Variants in LMCD1 observed in about 807,000 individuals in gnomAD.
LMCD1 encodes the protein LIM and cysteine rich domains 1.
LMCD1 carries 32 observed loss-of-function variants against 42.7 expected under a neutral mutation model. That is an observed-to-expected ratio of 0.75 (90% CI 0.57 to 1.01). The LOEUF is 1.01. Ranked by LOEUF, LMCD1 falls within the 50% of genes least tolerant of loss-of-function variation. The pLI is 0.00. For synonymous variants in LMCD1, 178 were observed against 184.9 expected (o/e 0.96, Z 0.30); for missense variants, 458 against 483.1 (o/e 0.95, Z 0.49).
intron 4 of LMCD1, among the ~76,000 whole-genome samples, chr3:8,562,224 T>C (rs1399386060): frequency 6.6e-6 from 1 of 152,142 alleles, no homozygotes; most frequent in East Asian, 1.9e-4. Flanking sequence ...AAAAGACAGA[T>C]AAAGGAGCCC....
At chr3:8,550,079 T>G (rs1453171690) in intron 4 of LMCD1, 1 of 1,450,438 alleles carries the variant, frequency 6.9e-7, no homozygotes. Context: ...GAAGTGCTGC[T>G]GAGGAGTGAG....
chr3:8,548,667 A>G lies in LMCD1; in HGVS notation c.487A>G (p.Ile163Val). ...CCGCCAGCTCATGCACCAGCTCCCCATCTATGACCAGGATCCCTCGCGCTG... is the reference window on the plus strand; with the variant it reads ...CCGCCAGCTCATGCACCAGCTCCCCGTCTATGACCAGGATCCCTCGCGCTG... ...RRRQLMHQLP[I>V]YDQDPSRCRG... Residue 163 changes from isoleucine (I) to valine (V), a missense_variant, in exon 4 of 6, where the codon ATC becomes GTC. Coordinates refer to ENST00000157600, the MANE Select transcript of LMCD1 (RefSeq NM_014583.4). The G allele has an allele frequency of 6.2e-7, 1 of 1,614,192 alleles. No homozygotes were observed. The highest frequency in any genetic ancestry group is 8.5e-7 in the Non-Finnish European group (1 of 1,180,036).
At chr3:8,559,563 C>T (rs1245008425) in intron 4 of LMCD1, among the ~76,000 whole-genome samples, 1 of 152,180 alleles carries the variant, frequency 6.6e-6, no homozygotes, top group African/African-American at 2.4e-5. Flanking sequence ...CTCTCAGCCA[C>T]CTGTTGCAAT....
intron 1 of LMCD1, among the ~76,000 whole-genome samples, chr3:8,516,342 A>G (rs1216000884): frequency 2.6e-5 from 4 of 152,128 alleles, no homozygotes; most frequent in Non-Finnish European, 5.9e-5. Context: ...CAAACCTCTC[A>G]TAGCTCAGAC....
At chr3:8,523,228 GAA>G (rs1694238047) in intron 1 of LMCD1, among the ~76,000 whole-genome samples, 1 of 152,122 alleles carries the variant, frequency 6.6e-6, no homozygotes, top group Non-Finnish European at 1.5e-5. Context: ...CACAATTCAG[GAA>G]AAGAGTCTCT....
In LMCD1 at chr3:8,569,873, G is replaced by C. The variant is rs1335987136; in HGVS notation, c.*2275G>C. Reference sequence around the variant, plus strand: ...TATCTGGCATGGTGGCACACCTGTAGTATCAGTTACTCTAGAGGATAACCT... The same window carrying C: ...TATCTGGCATGGTGGCACACCTGTACTATCAGTTACTCTAGAGGATAACCT... On this transcript the variant is annotated 3_prime_UTR_variant, in exon 6 of 6. Coordinates refer to ENST00000157600, the MANE Select transcript of LMCD1 (RefSeq NM_014583.4). 6.6e-6 allele frequency: 1 copy of C among 151,898 alleles called. No homozygotes were observed. Among genetic ancestry groups the C allele is most frequent in the Admixed American group, 6.6e-5 (1 of 15,184 alleles). The allele number at this position is 151,898 out of a possible 1,614,324, so 9.4% of individuals were successfully genotyped here. A position where few individuals can be genotyped will look rare whatever the true frequency, so the allele number is the denominator to read the frequency against.
chr3:8,542,860 G>C (rs540159556), intron 3 of LMCD1, among the ~76,000 whole-genome samples: 1 of 152,308 alleles, frequency 6.6e-6, no homozygotes, highest in South Asian at 2.1e-4. Flanking sequence ...AGAATTAAAT[G>C]GGTTAACGTG....
chr3:8,511,807 C>T (rs1039447032), intron 1 of LMCD1, among the ~76,000 whole-genome samples: 2 of 152,150 alleles, frequency 1.3e-5, no homozygotes, highest in African/African-American at 4.8e-5. Flanking sequence ...GCAAAACCCA[C>T]TGGGGTGGCA....
intron 1 of LMCD1, among the ~76,000 whole-genome samples, chr3:8,518,558 G>T (rs1434197006): frequency 6.6e-6 from 1 of 152,194 alleles, no homozygotes; most frequent in Non-Finnish European, 1.5e-5. Flanking sequence ...GCCTTGAGCA[G>T]TTGACTGGGA....
At chr3:8,545,837 G>T (rs141514561) in intron 3 of LMCD1, among the ~76,000 whole-genome samples, 1 of 152,174 alleles carries the variant, frequency 6.6e-6, no homozygotes, top group African/African-American at 2.4e-5. Flanking sequence ...AAAAGCCACA[G>T]ATAGAAAAGC....
In LMCD1 at chr3:8,568,952, A is replaced by G. The variant is rs763361332; in HGVS notation, c.*1354A>G. The G allele has an allele frequency of 6.6e-6, 1 of 152,154 alleles. No individual in the cohort carries two copies. The highest frequency in any genetic ancestry group is 2.4e-5 in the African/African-American group (1 of 41,430). 9.4% of individuals were successfully genotyped at this position (152,154 alleles called of 1,614,324 possible). The stretch of plus-strand genomic sequence containing the variant: ...TAGAAAACCCCCATTCATGTGCTTT[A>G]TAAGTTTCACCAAAGCCATTGCTAT... On this transcript the variant is annotated 3_prime_UTR_variant, in exon 6 of 6. Coordinates refer to ENST00000157600, the MANE Select transcript of LMCD1 (RefSeq NM_014583.4).
Position 8,567,708 on chromosome 3 carries a change from A to C in LMCD1, c.*110A>C. 1.9e-6 allele frequency: 2 copies of C among 1,063,892 alleles called. No individual in the cohort carries two copies. Among genetic ancestry groups the C allele is most frequent in the Non-Finnish European group, 2.7e-6 (2 of 732,478 alleles). 65.9% of individuals were successfully genotyped at this position (1,063,892 alleles called of 1,614,324 possible). ...GTGACAGCAAGCAAGTGAAATAAAC[A>C]ATGATTTGCTTTTCAGTGAGAATAT... On this transcript the variant is annotated 3_prime_UTR_variant, in exon 6 of 6. Transcript: ENST00000157600.
At position 8,573,829 on chromosome 3, in the gene LMCD1, C is replaced by T. The variant is rs1695258153; in HGVS notation, c.*6231C>T. On this transcript the variant is annotated 3_prime_UTR_variant, in exon 6 of 6. Coordinates refer to ENST00000157600, the MANE Select transcript of LMCD1 (RefSeq NM_014583.4). Reference sequence around the variant, plus strand: ...CAGACAGAAGCAATATTATTCAGGTCTTCCTTGTTGCAAGTGAGGGAAATC... The same window carrying T: ...CAGACAGAAGCAATATTATTCAGGTTTTCCTTGTTGCAAGTGAGGGAAATC... 1 of 150,558 alleles carries T rather than the reference C, an allele frequency of 6.6e-6. No individual in the cohort carries two copies. The highest frequency in any genetic ancestry group is 2.4e-5 in the African/African-American group (1 of 40,832). The allele number at this position is 150,558 out of a possible 1,614,324, so 9.3% of individuals were successfully genotyped here.
At position 8,537,373 on chromosome 3, in the gene LMCD1, C is replaced by G. The variant is rs1444638094; in HGVS notation, c.320C>G (p.Thr107Ser). 6.2e-7 allele frequency: 1 copy of G among 1,612,244 alleles called. No homozygotes were observed. The highest frequency in any genetic ancestry group is 8.5e-7 in the Non-Finnish European group (1 of 1,178,502). ...NRMIMTNPIA[T>S]GKDPTFDTIT... is the part of the protein sequence containing the mutation. ...ATGATCATGACCAACCCTATTGCTA[C>G]TGGGAAAGATCCCACTTTTGACACC... Residue 107 changes from threonine (T) to serine (S), a missense_variant, in exon 3 of 6, where the codon ACT (threonine) becomes AGT (serine). Thr to Ser is a moderately conservative substitution (Grantham distance 58). Transcript: ENST00000157600.
At chr3:8,565,214 T>C (rs929890052) in intron 4 of LMCD1, among the ~76,000 whole-genome samples, 1 of 152,216 alleles carries the variant, frequency 6.6e-6, no homozygotes, top group African/African-American at 2.4e-5. Flanking sequence ...TGGGAATCAC[T>C]GTGCTAAATA....
At chr3:8,567,364 A>T in intron 5 of LMCD1, 76 bp from the exon 6 acceptor site, 2 of 1,482,286 alleles carry the variant, frequency 1.3e-6, no homozygotes, top group Non-Finnish European at 1.8e-6. Context: ...CCACCACCCT[A>T]TAACTTGTCC....
rs147861306 is a variant in LMCD1 at position 8,562,496 on chromosome 3, C to T, written c.724-2936C>T. On this transcript the variant is annotated intron_variant, in intron 4 of 5. Transcript: ENST00000157600. ...CCAGCTCTGTTTCTTGGCTGTGCCC[C>T]CCTTCACAAGCTATTTTGTCTCCTT... Among the ~76,000 whole-genome samples, 1,116 of 152,330 alleles carry T rather than the reference C, an allele frequency of 7.3e-3. 5 individuals carry two copies. Among genetic ancestry groups the T allele is most frequent in the Middle Eastern group, 0.02 (6 of 294 alleles).
chr3:8,560,594 T>A (rs1295845258), intron 4 of LMCD1, among the ~76,000 whole-genome samples: 1 of 152,056 alleles, frequency 6.6e-6, no homozygotes, highest in Non-Finnish European at 1.5e-5. Context: ...GAGCTGGAAA[T>A]TTCATTCTGT....
At chr3:8,502,981 T>G (rs967872217) in intron 1 of LMCD1, among the ~76,000 whole-genome samples, 1 of 152,130 alleles carries the variant, frequency 6.6e-6, no homozygotes, top group Non-Finnish European at 1.5e-5. Context: ...CCCTGCCACT[T>G]TTTAACTGCA....
Sources: gnomAD v4.1 joint callset for allele counts (sites outside exome capture counted in the v4.1 genomes callset) on GRCh38, gnomAD v4.1.1 for gene constraint, MANE v1.5 for transcripts, NCBI Gene and HGNC (gene_info 2026-07-23, HGNC 2026-07-21) for gene names.